Variants in MALRD1 observed in about 807,000 individuals in gnomAD.
The protein encoded by MALRD1 is MAM and LDL-receptor class A domain-containing protein 1.
A neutral mutation model predicts 242.1 loss-of-function variants in MALRD1; 247 were observed. The observed-to-expected ratio is 1.02, with a 90% confidence interval of 0.92 to 1.13. MALRD1 has a LOEUF of 1.13. Ranked by LOEUF, MALRD1 falls within the 50% of genes most tolerant of loss-of-function variation. MALRD1 has a pLI of 0.00. For synonymous variants in MALRD1, 995 were observed against 866.6 expected (o/e 1.15, Z -2.60); for missense variants, 2,989 against 2,533.1 (o/e 1.18, Z -3.86).
At chr10:19,240,170 C>T (rs1838695895) in intron 18 of MALRD1, among the ~76,000 whole-genome samples, 2 of 151,912 alleles carry the variant, frequency 1.3e-5, no homozygotes, top group South Asian at 4.1e-4. Context: ...ATTTTTCCAT[C>T]AGTGTGTTAT....
At chr10:19,347,427 T>C (rs955704511) in intron 24 of MALRD1, among the ~76,000 whole-genome samples, 16 of 152,136 alleles carry the variant, frequency 1.1e-4, no homozygotes, top group Admixed American at 3.3e-4. Flanking sequence ...ATAATAAACT[T>C]AATAAATTTC....
rs150145356 is a variant in MALRD1, at chr10:19,405,369, T to G, written c.4845+15760T>G. Among the ~76,000 whole-genome samples, 311 of 152,352 alleles carry G rather than the reference T, an allele frequency of 2.0e-3. 1 individual carries two copies. Among genetic ancestry groups the G allele is most frequent in the African/African-American group, 7.3e-3 (302 of 41,594 alleles). On this transcript the variant is annotated intron_variant, in intron 28 of 39. Transcript: ENST00000454679. ...TTATATCTACCACAGAGTTGTTTAC[T>G]GTGCACTGCTTCTCAGCATTGTGTA...
intron 31 of MALRD1, among the ~76,000 whole-genome samples, chr10:19,506,180 T>C (rs1344928234): frequency 6.6e-6 from 1 of 152,224 alleles, no homozygotes; most frequent in African/African-American, 2.4e-5. Flanking sequence ...AAAACAGTTC[T>C]TTCTGTTGAC....
chr10:19,595,381 A>G lies in MALRD1; in HGVS notation c.5868A>G (p.Thr1956=), dbSNP rs767472026. 3.9e-6 allele frequency: 6 copies of G among 1,550,488 alleles called. No individual in the cohort carries two copies. The highest frequency in any genetic ancestry group is 5.2e-6 in the Non-Finnish European group (6 of 1,146,946). ...GTAACATGGAGTTCCCGTGCTCTAC[A>G]GACGAGTGTATACCTTCCCTCCTGC... ...LCSNMEFPCS[T]DECIPSLLLC... The change falls in exon 34 of 40, where the codon ACA becomes ACG. Residue 1956 remains threonine (T), a synonymous_variant. Transcript: ENST00000454679.
intron 14 of MALRD1, among the ~76,000 whole-genome samples, chr10:19,199,212 G>A (rs1021197549): frequency 2.0e-5 from 3 of 152,174 alleles, no homozygotes; most frequent in Non-Finnish European, 2.9e-5. Context: ...TCAATGTGGT[G>A]GACTTAACAG....
intron 26 of MALRD1, among the ~76,000 whole-genome samples, chr10:19,374,911 C>G (rs1845534883): frequency 6.6e-6 from 1 of 152,070 alleles, no homozygotes; most frequent in South Asian, 2.1e-4. Flanking sequence ...AGTCATGTAA[C>G]CATCTAAGAA....
At chr10:19,157,927 G>A (rs754047073) in intron 12 of MALRD1, among the ~76,000 whole-genome samples, 1 of 152,086 alleles carries the variant, frequency 6.6e-6, no homozygotes, top group Non-Finnish European at 1.5e-5. Context: ...TTTATATGTG[G>A]CCAACACATG....
intron 18 of MALRD1, among the ~76,000 whole-genome samples, chr10:19,247,903 A>G (rs1839134738): frequency 6.6e-6 from 1 of 152,122 alleles, no homozygotes; most frequent in Non-Finnish European, 1.5e-5. Flanking sequence ...GGCAGCACTC[A>G]GAACCAGGAG....
intron 18 of MALRD1, among the ~76,000 whole-genome samples, chr10:19,250,996 G>A (rs925604536): frequency 1.6e-4 from 24 of 151,808 alleles, no homozygotes; most frequent in African/African-American, 5.8e-4. Context: ...ACACAGCAGA[G>A]GCCTTGATGG....
At chr10:19,665,381 C>A (rs1351056341) in intron 36 of MALRD1, among the ~76,000 whole-genome samples, 4 of 152,128 alleles carry the variant, frequency 2.6e-5, no homozygotes, top group Non-Finnish European at 4.4e-5. Flanking sequence ...TCAGTGCCAT[C>A]TTTCTTCCGG....
intron 5 of MALRD1, among the ~76,000 whole-genome samples, chr10:19,111,311 A>G (rs1415057410): frequency 6.6e-6 from 1 of 152,216 alleles, no homozygotes; most frequent in Non-Finnish European, 1.5e-5. Flanking sequence ...AGCATTTTCA[A>G]TTTTTAAGGT....
At chr10:19,076,683 G>A (rs1005983227) in intron 2 of MALRD1, among the ~76,000 whole-genome samples, 6 of 151,934 alleles carry the variant, frequency 3.9e-5, no homozygotes, top group African/African-American at 2.4e-5. Flanking sequence ...CTTGATTACT[G>A]CAGCCTTGTA....
chr10:19,733,831 C>T (rs554180946), intron 39 of MALRD1, among the ~76,000 whole-genome samples: 1 of 151,448 alleles, frequency 6.6e-6, no homozygotes, highest in Non-Finnish European at 1.5e-5. Flanking sequence ...TTTGTCTAAC[C>T]TAACTATATT....
At chr10:19,255,237 G>T (rs1839456285) in intron 18 of MALRD1, among the ~76,000 whole-genome samples, 1 of 151,936 alleles carries the variant, frequency 6.6e-6, no homozygotes. Flanking sequence ...TGCCCTTTGA[G>T]GCACTCCGTA....
At chr10:19,681,827 C>A in intron 36 of MALRD1, among the ~76,000 whole-genome samples, 1 of 146,640 alleles carries the variant, frequency 6.8e-6, no homozygotes, top group Middle Eastern at 3.6e-3. Context: ...GGCTACTGAC[C>A]TTTGGATGGG....
intron 28 of MALRD1, among the ~76,000 whole-genome samples, chr10:19,422,558 G>A (rs1018444740): frequency 6.6e-6 from 1 of 152,120 alleles, no homozygotes; most frequent in African/African-American, 2.4e-5. Flanking sequence ...TCTGGCCCCA[G>A]AGATACAGAT....
chr10:19,502,896 A>C (rs142888803), intron 31 of MALRD1, among the ~76,000 whole-genome samples: 16 of 151,196 alleles, frequency 1.1e-4, no homozygotes, highest in African/African-American at 3.4e-4. Flanking sequence ...CGAGTGTTCA[A>C]TTGATACCTT....
chr10:19,319,793 A>G (rs1412640623), intron 21 of MALRD1, among the ~76,000 whole-genome samples: 4 of 152,044 alleles, frequency 2.6e-5, no homozygotes, highest in Admixed American at 2.6e-4. Flanking sequence ...GCCCTGCGTA[A>G]TAAGATGATC....
intron 21 of MALRD1, among the ~76,000 whole-genome samples, chr10:19,305,271 T>G (rs2131968809): frequency 6.6e-6 from 1 of 151,818 alleles, no homozygotes; most frequent in African/African-American, 2.4e-5. Flanking sequence ...AATCTAACAT[T>G]AATGTGCAGT....
Sources: allele counts gnomAD v4.1 joint callset (sites outside exome capture counted in the v4.1 genomes callset), GRCh38; gene constraint gnomAD v4.1.1; transcripts MANE v1.5; gene names NCBI Gene and HGNC (gene_info 2026-07-23, HGNC 2026-07-21).